The following XAB2 variants were observed in gnomAD, a reference collection of about 807,000 sequenced individuals.
XAB2 encodes XPA binding protein 2, also known as pre-mRNA-splicing factor SYF1.
A neutral mutation model predicts 113.4 loss-of-function variants in XAB2; 57 were observed. The observed-to-expected ratio is 0.50, with a 90% CI of 0.41 to 0.63. XAB2 has a LOEUF of 0.63. Among genes scored for constraint, XAB2 ranks in the 20% least tolerant of loss-of-function variants. The pLI is 0.00. For missense variants in XAB2, 1,037 were observed against 1,233.3 expected (o/e 0.84, Z 2.38); for synonymous variants, 497 against 498.8 (o/e 1.00, Z 0.05).
At chr19:7,626,784 T>C (rs1378831896) in intron 4 of XAB2, among the ~76,000 whole-genome samples, 1 of 152,138 alleles carries the variant, frequency 6.6e-6, no homozygotes, top group Admixed American at 6.6e-5. Flanking sequence ...CCAGCCTCAG[T>C]CCTGACTGGT....
In XAB2 at chr19:7,619,582, C is replaced by A; in HGVS notation, c.*4G>T. 1 of 1,571,334 alleles carries A rather than the reference C, an allele frequency of 6.4e-7. No individual in the cohort carries two copies. Among genetic ancestry groups the A allele is most frequent in the South Asian group, 1.2e-5 (1 of 84,450 alleles). ...GTGGGGAGGGGGGATGGGGGAGGGA[C>A]GGGTCAGTCTTCCTTCAGGCTCCCA... On this transcript the variant is annotated 3_prime_UTR_variant, in exon 19 of 19. Coordinates refer to ENST00000358368, the MANE Select transcript of XAB2 (RefSeq NM_020196.3).
chr19:7,622,646 G>C lies in XAB2; in HGVS notation c.1387C>G (p.Pro463Ala), dbSNP rs1221856179. The change falls in exon 11 of 19, where the codon CCT (proline) becomes GCT (alanine). Residue 463 changes from proline to alanine, a missense_variant. Coordinates refer to ENST00000358368, the MANE Select transcript of XAB2 (RefSeq NM_020196.3). ...TCAAAGTACTCGGCCCGGCGGGCAG[G>C]CAGCGCCGTGGCCTTCTGCAGGGGC... ...LRLLRKATAL[P>A]ARRAEYFDGS... is the part of the protein sequence containing the mutation. 4.3e-6 allele frequency: 7 copies of C among 1,611,300 alleles called. No individual in the cohort carries two copies. Among genetic ancestry groups the C allele is most frequent in the Non-Finnish European group, 5.1e-6 (6 of 1,179,940 alleles).
rs777642710 is a variant in XAB2 at position 7,627,195 on chromosome 19, C to T, written c.522+48G>A. 1 of 1,598,800 alleles carries T rather than the reference C, an allele frequency of 6.3e-7. No individual in the cohort carries two copies. The highest frequency in any genetic ancestry group is 1.1e-5 in the South Asian group (1 of 90,780). ...ACGCGGAGCTAGTGTCACAGTGAGG[C>T]CGTTTCTGGAAACTAACCTGGGGAA... On this transcript the variant is annotated intron_variant, in intron 4 of 18. Transcript: ENST00000358368. This position sits in a 1 kb window ranked among gnomAD's most constrained non-coding sequence, Gnocchi z 4.5.
In XAB2 at chr19:7,625,313, AC is replaced by A. The variant is rs1457965786; in HGVS notation, c.822+566del. 6.6e-6 allele frequency among the ~76,000 whole-genome samples: 1 copy of A among 151,986 alleles called. No individual in the cohort carries two copies. Among genetic ancestry groups the A allele is most frequent in the African/African-American group, 2.4e-5 (1 of 41,356 alleles). ...TCACCCTGATTTTACAAATGAAGAC[AC>A]CCCACCTTAGTGGGGCCAAGGCCGC... On this transcript the variant is annotated intron_variant, in intron 6 of 18. Transcript: ENST00000358368. The surrounding 1 kb of genome is among the most constrained non-coding windows in gnomAD (Gnocchi z 5.2).
chr19:7,625,971 A>C lies in XAB2; in HGVS notation c.731T>G (p.Ile244Ser), dbSNP rs1444117685. ...KVQSLNVDAIIRGGLTRFTDQ... is the reference protein window; with the variant it reads ...KVQSLNVDAISRGGLTRFTDQ... ...GGTGAAGCGGGTGAGGCCCCCGCGG[A>C]TGATGGCGTCCACATTGAGGGACTG... Residue 244 changes from isoleucine (I) to serine (S), a missense_variant, in exon 6 of 19, where the codon ATC becomes AGC. Transcript: ENST00000358368. The surrounding 1 kb of genome is among the most constrained non-coding windows in gnomAD (Gnocchi z 5.2). The C allele has an allele frequency of 6.2e-7, 1 of 1,613,834 alleles. No homozygotes were observed. The highest frequency in any genetic ancestry group is 8.5e-7 in the Non-Finnish European group (1 of 1,179,916).
Position 7,628,810 on chromosome 19 carries a change from T to G in XAB2, c.52-512A>C, listed in dbSNP as rs142473064. ...CTCTCAGGTCCAGATTCCAAGCCAC[T>G]AGCCCCGCCCCCAGGATCCCACTAG... On this transcript the variant is annotated intron_variant, in intron 1 of 18. Coordinates refer to ENST00000358368, the MANE Select transcript of XAB2 (RefSeq NM_020196.3). The surrounding 1 kb of genome is among the most constrained non-coding windows in gnomAD (Gnocchi z 4.6). 2.0e-3 allele frequency among the ~76,000 whole-genome samples: 297 copies of G among 152,204 alleles called. No homozygotes were observed. Among genetic ancestry groups the G allele is most frequent in the Non-Finnish European group, 3.4e-3 (234 of 68,008 alleles).
intron 13 of XAB2, 41 bp downstream of exon 13, chr19:7,621,094 A>AAACCCCCCCCCCCCCCCCCCCCCCCCCCC: frequency 3.3e-6 from 5 of 1,494,430 alleles, no homozygotes; most frequent in Non-Finnish European, 4.5e-6. Context: ...TCAGAAACCC[A>AAACCCCCCCCCCCCCCCCCCCCCCCCCCC]GCCCGCCCGC....
Position 7,623,513 on chromosome 19 carries a change from C to T in XAB2, c.1119+218G>A, listed in dbSNP as rs764311363. 5.0e-4 allele frequency among the ~76,000 whole-genome samples: 74 copies of T among 149,284 alleles called. No individual in the cohort carries two copies. Among genetic ancestry groups the T allele is most frequent in the Admixed American group, 3.0e-3 (45 of 15,034 alleles). The stretch of plus-strand genomic sequence containing the variant: ...TGTGACCCTCCAAGGGGCGGGGCCA[C>T]GAGGGAGCTGTGGCCCTCCAAGGGG... On this transcript the variant is annotated intron_variant, in intron 8 of 18. Transcript: ENST00000358368. This position sits in a 1 kb window ranked among gnomAD's most constrained non-coding sequence, Gnocchi z 4.6.
In XAB2 at chr19:7,621,106, A is replaced by AC. The variant is rs746021238; in HGVS notation, c.1780+28dup. The AC allele has an allele frequency of 2.5e-3, 1,737 of 681,882 alleles. 11 individuals carry two copies. The African/African-American group carries it at 0.042, about 17-fold the overall frequency. 42.2% of individuals were successfully genotyped at this position (681,882 alleles called of 1,614,324 possible). ...CAGTCAGAAACCCAGCCCGCCCGCCACCCCCCCCATGCCCTCTGCCCGCCT... is the reference window on the plus strand; with the variant it reads ...CAGTCAGAAACCCAGCCCGCCCGCCACCCCCCCCCATGCCCTCTGCCCGCCT... On this transcript the variant is annotated intron_variant, in intron 13 of 18. Transcript: ENST00000358368.
chr19:7,620,211 A>G, intron 16 of XAB2, 64 bp downstream of exon 16: 1 of 1,605,470 alleles, frequency 6.2e-7, no homozygotes, highest in Non-Finnish European at 8.5e-7. Flanking sequence ...CAGACCCGGA[A>G]AGCCCAGGTC....
chr19:7,628,257 G>A lies in XAB2; in HGVS notation c.93C>T (p.Asn31=). 2 of 1,614,104 alleles carry A rather than the reference G, an allele frequency of 1.2e-6. No individual in the cohort carries two copies. The highest frequency in any genetic ancestry group is 1.7e-6 in the Non-Finnish European group (2 of 1,180,044). ...DLPYEEEIMR[N]QFSVKCWLRY... is the part of the protein sequence containing the mutation. ...GAAGCCAGCATTTGACAGAGAATTG[G>A]TTCCGCATGATTTCCTCCTCATAGG... The change falls in exon 2 of 19, where the codon AAC becomes AAT. Residue 31 remains asparagine, a synonymous_variant. Coordinates refer to ENST00000358368, the MANE Select transcript of XAB2 (RefSeq NM_020196.3). The surrounding 1 kb of genome is among the most constrained non-coding windows in gnomAD (Gnocchi z 4.6).
rs765949879 is a variant in XAB2 at position 7,629,488 on chromosome 19, C to G, written c.40G>C (p.Asp14His). 5 of 1,602,374 alleles carry G rather than the reference C, an allele frequency of 3.1e-6. No homozygotes were observed. Among genetic ancestry groups the G allele is most frequent in the South Asian group, 1.1e-5 (1 of 89,008 alleles). ...CTCTGTGGACTCACGAAGACAAGGT[C>G]CGGCCGCTCGGGCCGCGAGAGTCGC... ...MARLSRPERP[D>H]LVFEEEDLPY... The change falls in exon 1 of 19, where the codon GAC (aspartate) becomes CAC (histidine). Residue 14 changes from aspartate to histidine, a missense_variant. Physicochemically the swap from Asp to His is moderately conservative, Grantham distance 81 (BLOSUM62 -1). Coordinates refer to ENST00000358368, the MANE Select transcript of XAB2 (RefSeq NM_020196.3).
chr19:7,624,012 C>G lies in XAB2; in HGVS notation c.968-130G>C. ...AGTGCTCTGGGCCCTAGACACTCAG[C>G]TCGGGTGTCCACCTGAGCCCCACCC... On this transcript the variant is annotated intron_variant, in intron 7 of 18. Transcript: ENST00000358368. The surrounding 1 kb of genome is among the most constrained non-coding windows in gnomAD (Gnocchi z 4.2). 1 of 1,202,474 alleles carries G rather than the reference C, an allele frequency of 8.3e-7. No homozygotes were observed. Among genetic ancestry groups the G allele is most frequent in the Non-Finnish European group, 1.1e-6 (1 of 882,530 alleles). The allele number at this position is 1,202,474 out of a possible 1,614,324, so 74.5% of individuals were successfully genotyped here.
Position 7,626,159 on chromosome 19 carries a change from T to C in XAB2, c.634A>G (p.Lys212Glu). The C allele has an allele frequency of 6.2e-7, 1 of 1,613,728 alleles. No individual in the cohort carries two copies. Among genetic ancestry groups the C allele is most frequent in the Non-Finnish European group, 8.5e-7 (1 of 1,180,016 alleles). ...TVVNDERFVS[K>E]AGKSNYQLWH... ...ACCTGGTAGTTGGACTTGCCGGCCT[T>C]AGACACGAAACGCTCGTCGTTCACC... is the stretch of plus-strand genomic sequence containing the variant. The change falls in exon 5 of 19, where the codon AAG becomes GAG. Residue 212 changes from lysine (K) to glutamate (E), a missense_variant. Physicochemically the swap from Lys to Glu is moderately conservative, Grantham distance 56 (BLOSUM62 1). Transcript: ENST00000358368.
chr19:7,628,112 T>G lies in XAB2; in HGVS notation c.200+38A>C, dbSNP rs1599374831. ...TTTGTTATAACTGGACCAGGTGGGG[T>G]GGGGGCTGGTGGGCAGGGCAGCTGG... On this transcript the variant is annotated intron_variant, in intron 2 of 18. Coordinates refer to ENST00000358368, the MANE Select transcript of XAB2 (RefSeq NM_020196.3). The surrounding 1 kb of genome is among the most constrained non-coding windows in gnomAD (Gnocchi z 4.6). 1.3e-6 allele frequency: 2 copies of G among 1,591,942 alleles called. No homozygotes were observed. Among genetic ancestry groups the G allele is most frequent in the African/African-American group, 1.3e-5 (1 of 74,562 alleles).
chr19:7,628,031 C>T lies in XAB2; in HGVS notation c.200+119G>A. ...GTGTGCTGACCCATCAAGGGATGTACAGGTCAGTGATGAAACACGAAGCAA... is the reference window on the plus strand; with the variant it reads ...GTGTGCTGACCCATCAAGGGATGTATAGGTCAGTGATGAAACACGAAGCAA... On this transcript the variant is annotated intron_variant, in intron 2 of 18. Transcript: ENST00000358368. This position sits in a 1 kb window ranked among gnomAD's most constrained non-coding sequence, Gnocchi z 4.6. The T allele has an allele frequency of 2.7e-6, 4 of 1,468,274 alleles. No individual in the cohort carries two copies. Among genetic ancestry groups the T allele is most frequent in the Non-Finnish European group, 3.7e-6 (4 of 1,088,972 alleles). 91.0% of individuals were successfully genotyped at this position (1,468,274 alleles called of 1,614,324 possible).
rs1307323608 is a variant in XAB2, at chr19:7,622,447, G to A, written c.1504-3C>T. On this transcript the variant is annotated splice_polypyrimidine_tract_variant and splice_region_variant and intron_variant, in intron 11 of 18. Coordinates refer to ENST00000358368, the MANE Select transcript of XAB2 (RefSeq NM_020196.3). ...CGGTCGTACACGGCCTTGGTGGACT[G>A]CAGGGGTGGGGATGGGAAAGGTTGG... 6.2e-7 allele frequency: 1 copy of A among 1,614,076 alleles called. No homozygotes were observed. The highest frequency in any genetic ancestry group is 2.2e-5 in the East Asian group (1 of 44,890).
rs775458815 is a variant in XAB2 at position 7,627,882 on chromosome 19, G to C, written c.201-31C>G. The C allele has an allele frequency of 3.7e-6, 6 of 1,602,448 alleles. No homozygotes were observed. Among genetic ancestry groups the C allele is most frequent in the Admixed American group, 1.7e-5 (1 of 59,694 alleles). The stretch of plus-strand genomic sequence containing the variant: ...GAATAGGAGGGGACAGATGCTGATC[G>C]GTCAGCTTTATGGACACCCCCAGAA... On this transcript the variant is annotated intron_variant, in intron 2 of 18. Coordinates refer to ENST00000358368, the MANE Select transcript of XAB2 (RefSeq NM_020196.3). The surrounding 1 kb of genome is among the most constrained non-coding windows in gnomAD (Gnocchi z 4.5).
At position 7,627,857 on chromosome 19, in the gene XAB2, G is replaced by C; in HGVS notation, c.201-6C>G. On this transcript the variant is annotated splice_region_variant and splice_polypyrimidine_tract_variant and intron_variant, in intron 2 of 18. Transcript: ENST00000358368. This position sits in a 1 kb window ranked among gnomAD's most constrained non-coding sequence, Gnocchi z 4.5. Reference sequence around the variant, plus strand: ...ATCGGTACCAGAGTTTGTAGCTGGGGAATAGGAGGGGACAGATGCTGATCG... The same window carrying C: ...ATCGGTACCAGAGTTTGTAGCTGGGCAATAGGAGGGGACAGATGCTGATCG... 2 of 1,611,632 alleles carry C rather than the reference G, an allele frequency of 1.2e-6. No homozygotes were observed. Among genetic ancestry groups the C allele is most frequent in the Non-Finnish European group, 1.7e-6 (2 of 1,177,928 alleles).
Sources: allele counts gnomAD v4.1 joint callset (sites outside exome capture counted in the v4.1 genomes callset), GRCh38; gene constraint gnomAD v4.1.1; non-coding constraint Gnocchi (gnomAD v3.1); transcripts MANE v1.5; gene names NCBI Gene and HGNC (gene_info 2026-07-23, HGNC 2026-07-21).